The following MAGI2 variants were observed in gnomAD, a reference collection of about 807,000 sequenced individuals.
MAGI2 encodes the protein membrane associated guanylate kinase, WW and PDZ domain containing 2.
In MAGI2, 35 loss-of-function variants were observed where a neutral mutation model predicts 133.3. That is an observed-to-expected ratio of 0.26 (90% CI 0.20 to 0.35). The LOEUF (loss-of-function observed/expected upper bound fraction) is 0.35. MAGI2 is among the 10% of genes least tolerant of loss of function. The pLI is 1.00. For synonymous variants in MAGI2, 729 were observed against 710.6 expected, an observed-to-expected ratio of 1.03 and a Z score of -0.41; for missense variants, 1,636 against 1,863.4, an observed-to-expected ratio of 0.88 and a Z score of 2.25.
chr7:78,882,086 CA>C (rs771918590), intron 2 of MAGI2, among the ~76,000 whole-genome samples: 144 of 12,456 alleles, frequency 0.012, no homozygotes, highest in East Asian at 0.067. Flanking sequence ...ACAACAACAA[CA>C]AAAAAAAAAA....
At chr7:78,966,017 ATAGAG>A (rs1453967046) in intron 2 of MAGI2, among the ~76,000 whole-genome samples, 1 of 152,028 alleles carries the variant, frequency 6.6e-6, no homozygotes, top group African/African-American at 2.4e-5. Flanking sequence ...ACAGAGAATA[ATAGAG>A]TATAGTTTCC....
chr7:79,412,933 C>A (rs1313097552), intron 1 of MAGI2: 1 of 152,128 alleles, frequency 6.6e-6, no homozygotes, highest in African/African-American at 2.4e-5. Context: ...TATCAAATGC[C>A]TTTTGAGGGA....
At chr7:79,262,306 T>C (rs1490323291) in intron 1 of MAGI2, among the ~76,000 whole-genome samples, 10 of 152,192 alleles carry the variant, frequency 6.6e-5, no homozygotes, top group Admixed American at 5.2e-4. Context: ...GCATTCAATC[T>C]ATTTTCTGTG....
chr7:78,797,856 A>G (rs868209162), intron 2 of MAGI2, among the ~76,000 whole-genome samples: 2 of 152,118 alleles, frequency 1.3e-5, no homozygotes, highest in Non-Finnish European at 2.9e-5. Context: ...CCAAAGGGAA[A>G]GAGTGCCCAA....
At chr7:78,946,860 T>G (rs1584471945) in intron 2 of MAGI2, 1 of 152,178 alleles carries the variant, frequency 6.6e-6, no homozygotes, top group Admixed American at 6.5e-5. Context: ...AGGAATTTGT[T>G]CTTGACTCTT....
intron 3 of MAGI2, among the ~76,000 whole-genome samples, chr7:78,564,355 C>T (rs1478039207): frequency 6.6e-6 from 1 of 152,154 alleles, no homozygotes; most frequent in Admixed American, 6.5e-5. Context: ...ATAAGAAAAA[C>T]ATTCTGCTTT....
Position 78,162,321 on chromosome 7 carries a change from C to T in MAGI2, c.2597-2048G>A, listed in dbSNP as rs186692540. On this transcript the variant is annotated intron_variant, in intron 15 of 21. Transcript: ENST00000354212. ...CGGGCGGATCACGAGGTCAGGAGAT[C>T]GAGACCACGGTGAAACCCCGTCTCT... Among the ~76,000 whole-genome samples the T allele has an allele frequency of 2.6e-3, 387 of 147,280 alleles. 2 individuals carry two copies. Among genetic ancestry groups the T allele is most frequent in the Middle Eastern group, 0.011 (3 of 282 alleles).
At chr7:78,755,295 G>A (rs959355787) in intron 2 of MAGI2, among the ~76,000 whole-genome samples, 1 of 152,130 alleles carries the variant, frequency 6.6e-6, no homozygotes, top group Non-Finnish European at 1.5e-5. Context: ...GGTAACTATG[G>A]CAGCTTAGGA....
intron 1 of MAGI2, among the ~76,000 whole-genome samples, chr7:79,400,267 T>G (rs1845374718): frequency 6.6e-6 from 1 of 152,188 alleles, no homozygotes; most frequent in Non-Finnish European, 1.5e-5. Context: ...TTCTGTTGTT[T>G]GTATATAAAA....
intron 2 of MAGI2, among the ~76,000 whole-genome samples, chr7:78,921,457 C>T (rs1161859202): frequency 2.0e-5 from 3 of 152,104 alleles, no homozygotes; most frequent in African/African-American, 4.8e-5. Context: ...ACTTTAAATA[C>T]GGCTCTTCTG....
chr7:79,067,553 G>C (rs549885043), intron 1 of MAGI2, among the ~76,000 whole-genome samples: 1 of 152,320 alleles, frequency 6.6e-6, no homozygotes, highest in Admixed American at 6.5e-5. Flanking sequence ...ACTGCAAACA[G>C]AGACAATTTG....
At chr7:78,825,777 CT>C (rs558096449) in intron 2 of MAGI2, among the ~76,000 whole-genome samples, 76 of 152,212 alleles carry the variant, frequency 5.0e-4, no homozygotes, top group African/African-American at 1.6e-3. Flanking sequence ...TGAAGGCCTA[CT>C]ATCTGTAAGC....
intron 6 of MAGI2, among the ~76,000 whole-genome samples, chr7:78,476,066 T>A (rs1791717467): frequency 6.6e-6 from 1 of 151,962 alleles, no homozygotes; most frequent in Non-Finnish European, 1.5e-5. Flanking sequence ...AGAAGTTGTA[T>A]TCATTTGCAT....
rs553315100 is a variant in MAGI2 at position 78,791,541 on chromosome 7, C to CTT, written c.419-164304_419-164303dup. Among the ~76,000 whole-genome samples the CTT allele has an allele frequency of 2.7e-3, 355 of 132,982 alleles. 4 individuals carry two copies. The highest frequency in any genetic ancestry group is 9.0e-3 in the African/African-American group (320 of 35,474). The allele number at this position is 132,982 out of a possible 152,430, so 87.2% of individuals were successfully genotyped here. On this transcript the variant is annotated intron_variant, in intron 2 of 21. Coordinates refer to ENST00000354212, the MANE Select transcript of MAGI2 (RefSeq NM_012301.4). The stretch of plus-strand genomic sequence containing the variant: ...TTAATGGCTAACCCTGAGAAACAAT[C>CTT]TTTTTTTTTTTTTTTTTTGAGATGA...
intron 6 of MAGI2, among the ~76,000 whole-genome samples, chr7:78,446,470 T>C (rs1379629501): frequency 6.6e-6 from 1 of 152,124 alleles, no homozygotes; most frequent in African/African-American, 2.4e-5. Flanking sequence ...TAAAAAGGAC[T>C]TGTCCATATA....
chr7:79,257,942 C>T (rs1833811964), intron 1 of MAGI2, among the ~76,000 whole-genome samples: 1 of 152,124 alleles, frequency 6.6e-6, no homozygotes, highest in Non-Finnish European at 1.5e-5. Flanking sequence ...AGTATTCTCA[C>T]TGGCAAGAGA....
intron 2 of MAGI2, among the ~76,000 whole-genome samples, chr7:78,778,655 C>G (rs1207899): frequency 0.97 from 146,921 of 152,220 alleles, 70,928 homozygotes; most frequent in East Asian, 1. Context: ...ACTCTGACTT[C>G]AGTAACCTAG....
intron 1 of MAGI2, among the ~76,000 whole-genome samples, chr7:79,251,941 G>A (rs941409524): frequency 6.6e-6 from 1 of 151,952 alleles, no homozygotes; most frequent in Non-Finnish European, 1.5e-5. Context: ...AGGATCACTA[G>A]AGCCCAGGAG....
chr7:78,565,302 A>C (rs937626793), intron 3 of MAGI2, among the ~76,000 whole-genome samples: 7 of 151,898 alleles, frequency 4.6e-5, no homozygotes, highest in Admixed American at 2.6e-4. Context: ...TGTCAAAAAA[A>C]ATTTTTTTAA....
Sources: gnomAD v4.1 joint callset for allele counts (sites outside exome capture counted in the v4.1 genomes callset) on GRCh38, gnomAD v4.1.1 for gene constraint, MANE v1.5 for transcripts, NCBI Gene and HGNC (gene_info 2026-07-23, HGNC 2026-07-21) for gene names.